The following C1orf21 variants were observed in gnomAD, a reference collection of about 807,000 sequenced individuals.
C1orf21 encodes the protein chromosome 1 open reading frame 21.
In C1orf21, 3 loss-of-function variants were observed where a neutral mutation model predicts 18.7. That is an observed-to-expected ratio of 0.16 (90% CI 0.07 to 0.42). C1orf21 has a LOEUF of 0.42. Ranked by LOEUF, C1orf21 falls within the 10% of genes least tolerant of loss-of-function variation. C1orf21 has a pLI of 0.99. For missense variants in C1orf21, 104 were observed against 143.6 expected (o/e 0.72, Z 1.41); for synonymous variants, 41 against 46.4 (o/e 0.88, Z 0.47).
rs191862398 is a variant in C1orf21, at chr1:184,616,239, G to A, written c.328-3279G>A. Among the ~76,000 whole-genome samples the A allele has an allele frequency of 2.6e-4, 40 of 152,308 alleles. 1 individual carries two copies. In the East Asian group the frequency reaches 7.1e-3, roughly 27 times the overall value. On this transcript the variant is annotated intron_variant, in intron 5 of 5. Transcript: ENST00000235307. The stretch of plus-strand genomic sequence containing the variant: ...TTGCTTCTCAGTGCTGCTGAAACAG[G>A]TGATAATAAAAATGAAGCTGAATTG...
At chr1:184,499,157 TCC>T (rs1657936096) in intron 2 of C1orf21, among the ~76,000 whole-genome samples, 1 of 151,988 alleles carries the variant, frequency 6.6e-6, no homozygotes, top group Non-Finnish European at 1.5e-5. Context: ...CCCTTCCTCC[TCC>T]TCCTCTTCCC....
chr1:184,599,941 G>A (rs1659564670), intron 5 of C1orf21, among the ~76,000 whole-genome samples: 1 of 152,138 alleles, frequency 6.6e-6, no homozygotes, highest in Non-Finnish European at 1.5e-5. Flanking sequence ...TCTGGCCGCA[G>A]GCATTTCAGA....
At chr1:184,449,063 A>ATTC (rs1006152099) in intron 1 of C1orf21, among the ~76,000 whole-genome samples, 1 of 151,720 alleles carries the variant, frequency 6.6e-6, no homozygotes, top group Non-Finnish European at 1.5e-5. Context: ...TATTATTATT[A>ATTC]TTATACTTTA....
chr1:184,536,252 A>G (rs973328576), intron 3 of C1orf21, among the ~76,000 whole-genome samples: 1 of 152,170 alleles, frequency 6.6e-6, no homozygotes, highest in South Asian at 2.1e-4. Context: ...TTCCACGTAC[A>G]ATGTTGGCGT....
intron 1 of C1orf21, among the ~76,000 whole-genome samples, chr1:184,414,208 C>T (rs970695089): frequency 6.6e-6 from 1 of 152,082 alleles, no homozygotes; most frequent in Non-Finnish European, 1.5e-5. Flanking sequence ...CATGGCTCAC[C>T]GTGGCCTCGA....
chr1:184,459,442 A>G (rs1571368059), intron 1 of C1orf21, among the ~76,000 whole-genome samples: 1 of 152,246 alleles, frequency 6.6e-6, no homozygotes, highest in South Asian at 2.1e-4. Flanking sequence ...GAGAAACTAC[A>G]TGCAGCTCTC....
At chr1:184,446,171 A>C (rs1374035334) in intron 1 of C1orf21, among the ~76,000 whole-genome samples, 1 of 152,066 alleles carries the variant, frequency 6.6e-6, no homozygotes, top group African/African-American at 2.4e-5. Context: ...GATGGATGTC[A>C]GTTATTATCT....
chr1:184,594,827 G>A (rs971697816), intron 4 of C1orf21, among the ~76,000 whole-genome samples: 2 of 152,194 alleles, frequency 1.3e-5, no homozygotes, highest in African/African-American at 4.8e-5. Flanking sequence ...TAGGGAATTA[G>A]GACTTTGCCT....
chr1:184,590,384 T>C (rs115251042), intron 3 of C1orf21, among the ~76,000 whole-genome samples: 1 of 152,262 alleles, frequency 6.6e-6, no homozygotes, highest in Non-Finnish European at 1.5e-5. Flanking sequence ...TCAGTTAACC[T>C]GAGCAAGTGA....
chr1:184,467,603 T>G (rs1447816870), intron 1 of C1orf21, among the ~76,000 whole-genome samples: 1 of 152,218 alleles, frequency 6.6e-6, no homozygotes, highest in African/African-American at 2.4e-5. Flanking sequence ...TCTGCCTGTT[T>G]ATGTTTGGTA....
At chr1:184,584,843 A>T (rs1659330661) in intron 3 of C1orf21, among the ~76,000 whole-genome samples, 2 of 152,258 alleles carry the variant, frequency 1.3e-5, no homozygotes, top group African/African-American at 4.8e-5. Context: ...GTGTGATTTC[A>T]TGACATGAAT....
intron 3 of C1orf21, among the ~76,000 whole-genome samples, chr1:184,528,379 G>T (rs562242078): frequency 1.3e-5 from 2 of 152,194 alleles, no homozygotes; most frequent in South Asian, 4.1e-4. Context: ...AGAATTGTAG[G>T]CATAGCCTGC....
intron 3 of C1orf21, among the ~76,000 whole-genome samples, chr1:184,571,414 A>T (rs1659110942): frequency 6.6e-6 from 1 of 152,098 alleles, no homozygotes; most frequent in Non-Finnish European, 1.5e-5. Context: ...GCAGCATGTG[A>T]CTGTGTTTAA....
At chr1:184,569,279 G>A (rs146664430) in intron 3 of C1orf21, among the ~76,000 whole-genome samples, 2 of 152,304 alleles carry the variant, frequency 1.3e-5, no homozygotes, top group African/African-American at 2.4e-5. Context: ...AGAGCAGGTG[G>A]TGGTTCGCTA....
At chr1:184,537,395 A>G (rs961660813) in intron 3 of C1orf21, among the ~76,000 whole-genome samples, 2 of 152,174 alleles carry the variant, frequency 1.3e-5, no homozygotes, top group African/African-American at 4.8e-5. Context: ...AATGTTTGTC[A>G]TTTTGAGAAT....
chr1:184,410,704 G>T (rs1656337444), intron 1 of C1orf21, among the ~76,000 whole-genome samples: 1 of 87,146 alleles, frequency 1.1e-5, no homozygotes, highest in African/African-American at 5.4e-5. Flanking sequence ...CGCTCCTGTT[G>T]CCCAGGCTGG....
chr1:184,442,805 A>G (rs1252982036), intron 1 of C1orf21, among the ~76,000 whole-genome samples: 1 of 152,186 alleles, frequency 6.6e-6, no homozygotes, highest in Non-Finnish European at 1.5e-5. Flanking sequence ...ATATATATAA[A>G]AAATTCTAAA....
At chr1:184,612,849 C>CAT (rs879350610) in intron 5 of C1orf21, among the ~76,000 whole-genome samples, 15 of 152,190 alleles carry the variant, frequency 9.9e-5, no homozygotes, top group Non-Finnish European at 2.1e-4. Flanking sequence ...AGAGAGAGAA[C>CAT]ACATTCACAT....
intron 1 of C1orf21, among the ~76,000 whole-genome samples, chr1:184,409,219 C>T (rs1656294875): frequency 1.3e-5 from 2 of 152,176 alleles, no homozygotes; most frequent in African/African-American, 4.8e-5. Flanking sequence ...CTAGATGAGT[C>T]ACAGCTGAGA....
Sources: allele counts gnomAD v4.1 joint callset (sites outside exome capture counted in the v4.1 genomes callset), GRCh38; gene constraint gnomAD v4.1.1; transcripts MANE v1.5; gene names NCBI Gene and HGNC (gene_info 2026-07-23, HGNC 2026-07-21).